Variants in CSTL1 observed in about 807,000 individuals in gnomAD.
CSTL1 encodes the protein cystatin like 1.
Under a neutral mutation model 14.4 loss-of-function variants are expected in CSTL1, and 14 were observed. The ratio of observed to expected loss-of-function variants is 0.97; its 90% CI spans 0.64 to 1.52. CSTL1 has a LOEUF of 1.52. Ranked by LOEUF, CSTL1 falls within the 40% of genes most tolerant of loss-of-function variation. The pLI is 0.00. For synonymous variants in CSTL1, 72 were observed against 67.5 expected (o/e 1.07, Z -0.33); for missense variants, 170 against 168.7 (o/e 1.01, Z -0.04).
intron 2 of CSTL1, chr20:23,440,716 A>G: frequency 1.6e-6 from 1 of 641,192 alleles, no homozygotes; most frequent in Non-Finnish European, 2.9e-6. Flanking sequence ...CTCTAACTCC[A>G]ATACACTTAG....
chr20:23,458,254 A>G, the CSTL1 span, among the ~76,000 whole-genome samples: 1 of 152,160 alleles, frequency 6.6e-6, no homozygotes, highest in African/African-American at 2.4e-5. Context: ...CAGTTTGTAT[A>G]TATTTGCCCA....
chr20:23,453,115 G>A, the CSTL1 span, among the ~76,000 whole-genome samples: 1 of 152,062 alleles, frequency 6.6e-6, no homozygotes, highest in Non-Finnish European at 1.5e-5. Flanking sequence ...TTGTCTTGGT[G>A]GGAGCCAGGC....
At chr20:23,451,847 T>C in the CSTL1 span, 1 of 1,614,132 alleles carries the variant, frequency 6.2e-7, no homozygotes, top group Non-Finnish European at 8.5e-7. Flanking sequence ...GGGGACACAG[T>C]TCGTGGTCTC....
intron 2 of CSTL1, among the ~76,000 whole-genome samples, chr20:23,441,090 A>C (rs911602646): frequency 2.0e-5 from 3 of 152,138 alleles, no homozygotes; most frequent in Admixed American, 6.5e-5. Flanking sequence ...AATGCCTTTC[A>C]TTCTGATATT....
the CSTL1 span, among the ~76,000 whole-genome samples, chr20:23,461,141 A>G: frequency 1.3e-5 from 2 of 152,240 alleles, no homozygotes; most frequent in African/African-American, 2.4e-5. Flanking sequence ...TCCATCAGCA[A>G]AAGGATTATG....
At chr20:23,457,069 C>T in the CSTL1 span, among the ~76,000 whole-genome samples, 1 of 152,196 alleles carries the variant, frequency 6.6e-6, no homozygotes, top group African/African-American at 2.4e-5. Flanking sequence ...GTTATTCTGC[C>T]TGTCATGGCA....
At chr20:23,452,212 T>C in the CSTL1 span, among the ~76,000 whole-genome samples, 23 of 152,254 alleles carry the variant, frequency 1.5e-4, no homozygotes, top group Non-Finnish European at 2.8e-4. Context: ...CGTAAAGGGC[T>C]ACATAGTAAA....
In CSTL1 at chr20:23,444,049, G is replaced by T. The variant is rs1386702191; in HGVS notation, c.330+5G>T. The T allele has an allele frequency of 6.2e-7, 1 of 1,607,558 alleles. No individual in the cohort carries two copies. Reference sequence around the variant, plus strand: ...CAAAGCAAGAAGCTGAGAAAGGTGTGTAGTGGAAGTCATCCCAAAGGGACT... The same window carrying T: ...CAAAGCAAGAAGCTGAGAAAGGTGTTTAGTGGAAGTCATCCCAAAGGGACT... On this transcript the variant is annotated splice_donor_5th_base_variant and intron_variant, in intron 3 of 3. Transcript: ENST00000347397.
the CSTL1 span, among the ~76,000 whole-genome samples, chr20:23,459,695 G>GTT: frequency 6.6e-6 from 1 of 152,210 alleles, no homozygotes; most frequent in Admixed American, 6.5e-5. Context: ...GCAGGATTTA[G>GTT]TTTTATTCAC....
the CSTL1 span, chr20:23,452,543 G>A: frequency 1.2e-5 from 16 of 1,296,642 alleles, no homozygotes; most frequent in South Asian, 1.8e-4. Context: ...CCCGATGTGG[G>A]CGTATCAGGC....
At chr20:23,449,848 T>C (rs2123323507), downstream of CSTL1, among the ~76,000 whole-genome samples, 1 of 152,300 alleles carries the variant, frequency 6.6e-6, no homozygotes, top group East Asian at 1.9e-4. Flanking sequence ...GTCCCTTTGC[T>C]CCTCTAGGAG....
downstream of CSTL1, among the ~76,000 whole-genome samples, chr20:23,446,422 A>G (rs1228507933): frequency 6.6e-6 from 1 of 151,740 alleles, no homozygotes; most frequent in Non-Finnish European, 1.5e-5. Context: ...CGCCCAGCTA[A>G]TTTTTTTGTA....
chr20:23,440,338 A>C lies in CSTL1; in HGVS notation c.71A>C (p.His24Pro). Residue 24 changes from histidine to proline, a missense_variant, in exon 2 of 4, where the codon CAC (histidine) becomes CCC (proline). His to Pro is a moderately conservative substitution (Grantham distance 77, BLOSUM62 -2). Coordinates refer to ENST00000347397, the MANE Select transcript of CSTL1 (RefSeq NM_138283.1). ...CTGGTCCTGTCAGCCAAGCTGGGTC[A>C]CTTCCAAAGGTGGGAGGGCTTCCAG... ...IALVLSAKLG[H>P]FQRWEGFQQK... 6.2e-7 allele frequency: 1 copy of C among 1,614,204 alleles called. No individual in the cohort carries two copies.
intron 2 of CSTL1, among the ~76,000 whole-genome samples, chr20:23,441,939 G>A (rs901841025): frequency 3.3e-5 from 5 of 152,318 alleles, no homozygotes; most frequent in Admixed American, 6.5e-5. Flanking sequence ...GGACCAGTCA[G>A]CATAGGTCAA....
At chr20:23,441,627 G>A (rs558288279) in intron 2 of CSTL1, among the ~76,000 whole-genome samples, 46 of 152,120 alleles carry the variant, frequency 3.0e-4, no homozygotes, top group Non-Finnish European at 6.2e-4. Context: ...CAGTGTAAAT[G>A]CTATGTAGAT....
the CSTL1 span, chr20:23,450,703 A>G: frequency 2.1e-5 from 13 of 618,994 alleles, no homozygotes; most frequent in Admixed American, 8.5e-5. Context: ...CTCCACCCCT[A>G]CAATCCTATT....
intron 3 of CSTL1, among the ~76,000 whole-genome samples, chr20:23,444,344 C>T (rs1986917251): frequency 6.6e-6 from 1 of 152,250 alleles, no homozygotes; most frequent in South Asian, 2.1e-4. Context: ...TCTTCTTTCT[C>T]CCTCTCCAGG....
At chr20:23,445,149 G>A (rs1015737271), downstream of CSTL1, among the ~76,000 whole-genome samples, 3 of 151,468 alleles carry the variant, frequency 2.0e-5, no homozygotes, top group Admixed American at 6.6e-5. Context: ...TACATGTCAA[G>A]CACATGCACA....
chr20:23,447,920 T>G (rs1218812363), downstream of CSTL1, among the ~76,000 whole-genome samples: 1 of 152,264 alleles, frequency 6.6e-6, no homozygotes, highest in Non-Finnish European at 1.5e-5. Context: ...ATTTAAATCT[T>G]GTTCAACCTC....
Sources: allele counts gnomAD v4.1 joint callset (sites outside exome capture counted in the v4.1 genomes callset), GRCh38; gene constraint gnomAD v4.1.1; transcripts MANE v1.5; gene names NCBI Gene and HGNC (gene_info 2026-07-23, HGNC 2026-07-21).